The following GLG1 variants were observed in gnomAD, a reference collection of about 807,000 sequenced individuals.
GLG1 encodes the protein Golgi apparatus protein 1.
A neutral mutation model predicts 160.5 loss-of-function variants in GLG1; 38 were observed. The ratio of observed to expected loss-of-function variants is 0.24; its 90% CI spans 0.18 to 0.31. GLG1 has a LOEUF of 0.31. Ranked by LOEUF, GLG1 falls within the 10% of genes least tolerant of loss-of-function variation. The pLI is 1.00. For synonymous variants in GLG1, 644 were observed against 543.4 expected (o/e 1.19, Z -2.57); for missense variants, 1,373 against 1,505.2 (o/e 0.91, Z 1.45).
intron 1 of GLG1, among the ~76,000 whole-genome samples, chr16:74,583,004 A>G (rs959341322): frequency 6.6e-6 from 1 of 151,748 alleles, no homozygotes; most frequent in African/African-American, 2.4e-5. Context: ...TCTTTTCTTG[A>G]CTCTCACAAC....
At chr16:74,494,045 G>A (rs991183488) in intron 6 of GLG1, among the ~76,000 whole-genome samples, 1 of 151,866 alleles carries the variant, frequency 6.6e-6, no homozygotes, top group African/African-American at 2.4e-5. Flanking sequence ...CGTGTTGTCA[G>A]GTGCCTGTAG....
At chr16:74,506,802 T>C (rs143727620) in intron 3 of GLG1, among the ~76,000 whole-genome samples, 234 of 152,230 alleles carry the variant, frequency 1.5e-3, no homozygotes, top group African/African-American at 5.2e-3. Context: ...GATAGCACTT[T>C]TTCCTTCTAT....
At chr16:74,503,780 G>T in intron 3 of GLG1, 34 bp from the exon 4 acceptor site, 1 of 1,324,804 alleles carries the variant, frequency 7.5e-7, no homozygotes, top group Non-Finnish European at 1.1e-6. Flanking sequence ...TTACAAAAGT[G>T]TTCCATGCTC....
At chr16:74,488,388 A>C (rs1480352474) in intron 8 of GLG1, among the ~76,000 whole-genome samples, 1 of 152,088 alleles carries the variant, frequency 6.6e-6, no homozygotes, top group Non-Finnish European at 1.5e-5. Context: ...AAAAAACAAA[A>C]CAACAAAAAA....
chr16:74,529,986 A>G (rs1473428566), intron 2 of GLG1, among the ~76,000 whole-genome samples: 1 of 151,008 alleles, frequency 6.6e-6, no homozygotes, highest in Non-Finnish European at 1.5e-5. Context: ...TAATTTTTTT[A>G]TTTTTAGTAG....
At position 74,577,901 on chromosome 16, in the gene GLG1, A is replaced by G. The variant is rs562009118; in HGVS notation, c.438+28756T>C. On this transcript the variant is annotated intron_variant, in intron 1 of 25. Coordinates refer to ENST00000422840, the MANE Select transcript of GLG1 (RefSeq NM_001145667.2). ...CAAAGTGCTGGGATTAAAAGTGTGC[A>G]GTGGCTCATGCCTGTAATCCCAGCA... Among the ~76,000 whole-genome samples, 3 of 151,686 alleles carry G rather than the reference A, an allele frequency of 2.0e-5. No individual in the cohort carries two copies. The South Asian group carries it at 6.3e-4, about 32-fold the overall frequency.
chr16:74,559,185 C>T (rs757105815), intron 1 of GLG1, among the ~76,000 whole-genome samples: 14 of 152,110 alleles, frequency 9.2e-5, no homozygotes, highest in Middle Eastern at 3.4e-3. Context: ...ATTTTTTAAA[C>T]GAGGTATCTG....
intron 22 of GLG1, chr16:74,461,657 A>C (rs2014802502): frequency 6.5e-6 from 1 of 153,012 alleles, no homozygotes; most frequent in African/African-American, 2.4e-5. Flanking sequence ...TTTTTAGTAG[A>C]GACAGATTTC....
intron 1 of GLG1, 73 bp downstream of exon 1, chr16:74,606,584 C>A: frequency 7.7e-7 from 1 of 1,306,956 alleles, no homozygotes; most frequent in Non-Finnish European, 1.1e-6. Context: ...CCGGCGTCAG[C>A]GGCTTCCAAG....
chr16:74,532,863 T>C lies in GLG1; in HGVS notation c.439-710A>G, dbSNP rs143430426. Among the ~76,000 whole-genome samples the C allele has an allele frequency of 7.9e-3, 1,198 of 152,244 alleles. 4 individuals are homozygous for C. Among genetic ancestry groups the C allele is most frequent in the South Asian group, 0.017 (81 of 4,822 alleles). On this transcript the variant is annotated intron_variant, in intron 1 of 25. Transcript: ENST00000422840. ...TTTTTAAATTGGCCTAATGCTGCTATTGGGGGAAGCTATGTGATGGGTATG... is the reference window on the plus strand; with the variant it reads ...TTTTTAAATTGGCCTAATGCTGCTACTGGGGGAAGCTATGTGATGGGTATG...
At chr16:74,457,217 A>C (rs2014585221) in intron 24 of GLG1, among the ~76,000 whole-genome samples, 1 of 152,176 alleles carries the variant, frequency 6.6e-6, no homozygotes, top group Non-Finnish European at 1.5e-5. Context: ...CAACATGGCA[A>C]AACCCTGTCT....
intron 1 of GLG1, among the ~76,000 whole-genome samples, chr16:74,574,215 A>G (rs2018921999): frequency 6.6e-6 from 1 of 152,246 alleles, no homozygotes; most frequent in Non-Finnish European, 1.5e-5. Flanking sequence ...ATTATTTCCC[A>G]TCAACAGGAT....
At chr16:74,508,995 G>T in intron 2 of GLG1, 70 bp from the exon 3 acceptor site, 1 of 702,898 alleles carries the variant, frequency 1.4e-6, no homozygotes, top group Non-Finnish European at 2.5e-6. Flanking sequence ...TATTATCAAC[G>T]TTAAATGACA....
Position 74,463,339 on chromosome 16 carries a change from C to G in GLG1, c.2791+17G>C, listed in dbSNP as rs774116499. ...CAGATACTCCACGGGGCCAGGAGAG[C>G]CAAGCCAAGATCTTACCTGTGTTCT... is the stretch of plus-strand genomic sequence containing the variant. On this transcript the variant is annotated intron_variant, in intron 20 of 25. Transcript: ENST00000422840. 6.2e-7 allele frequency: 1 copy of G among 1,613,678 alleles called. No individual in the cohort carries two copies. Among genetic ancestry groups the G allele is most frequent in the East Asian group, 2.2e-5 (1 of 44,886 alleles).
Position 74,464,041 on chromosome 16 carries a change from G to C in GLG1, c.2668-562C>G, listed in dbSNP as rs573769390. The C allele has an allele frequency of 1.9e-3, 295 of 153,788 alleles. 4 individuals are homozygous for C. In the South Asian group the frequency reaches 0.026, roughly 14 times the overall value. The allele number at this position is 153,788 out of a possible 1,614,324, so 9.5% of individuals were successfully genotyped here. On this transcript the variant is annotated intron_variant, in intron 19 of 25. Coordinates refer to ENST00000422840, the MANE Select transcript of GLG1 (RefSeq NM_001145667.2). ...AGCTGATGAAAGCAGCAGCCTGAAG[G>C]CATCACGTGGTACAAGAGGAGCAGG...
intron 1 of GLG1, among the ~76,000 whole-genome samples, chr16:74,560,631 C>A (rs1164259863): frequency 6.6e-6 from 1 of 152,166 alleles, no homozygotes; most frequent in African/African-American, 2.4e-5. Context: ...TGAGCCACTG[C>A]GCCTAGCCCT....
chr16:74,559,893 T>C (rs943264595), intron 1 of GLG1, among the ~76,000 whole-genome samples: 9 of 152,222 alleles, frequency 5.9e-5, no homozygotes, highest in African/African-American at 2.2e-4. Flanking sequence ...TGGAGAATTT[T>C]AGACTTAATG....
In GLG1 at chr16:74,463,351, C is replaced by T. The variant is rs2014875600; in HGVS notation, c.2791+5G>A. The T allele has an allele frequency of 1.9e-6, 3 of 1,613,960 alleles. No individual in the cohort carries two copies. In the African/African-American group the frequency reaches 4.0e-5, roughly 22 times the overall value. Reference sequence around the variant, plus strand: ...GGGGCCAGGAGAGCCAAGCCAAGATCTTACCTGTGTTCTGGGTGATCTGGC... The same window carrying T: ...GGGGCCAGGAGAGCCAAGCCAAGATTTTACCTGTGTTCTGGGTGATCTGGC... On this transcript the variant is annotated splice_donor_5th_base_variant and intron_variant, in intron 20 of 25. Transcript: ENST00000422840.
At chr16:74,522,987 C>T (rs1255307703) in intron 2 of GLG1, among the ~76,000 whole-genome samples, 3 of 152,158 alleles carry the variant, frequency 2.0e-5, no homozygotes, top group Non-Finnish European at 4.4e-5. Flanking sequence ...CCCAGCAATA[C>T]TGTCTTTAAT....
Sources: allele counts gnomAD v4.1 joint callset (sites outside exome capture counted in the v4.1 genomes callset), GRCh38; gene constraint gnomAD v4.1.1; transcripts MANE v1.5; gene names NCBI Gene and HGNC (gene_info 2026-07-23, HGNC 2026-07-21).